SERTM2: variants seen among roughly 807,000 people sequenced by gnomAD.
SERTM2 encodes serine rich and transmembrane domain containing 2.
chrX:111,513,937 G>A (rs1257743296), intron 2 of SERTM2, among the ~76,000 whole-genome samples: 1 of 111,293 alleles, frequency 9.0e-6, no homozygotes, highest in Non-Finnish European at 1.9e-5. Context: ...AATTGTGTAG[G>A]AGGCAGAAAA....
chrX:111,516,718 A>G (rs1167783180), intron 2 of SERTM2, among the ~76,000 whole-genome samples: 6 of 111,407 alleles, frequency 5.4e-5, no homozygotes, highest in African/African-American at 2.0e-4. Context: ...AGACTAAGAA[A>G]AATATGGATT....
rs1201944662 is a variant in SERTM2 at position 111,521,927 on chromosome X, A to G, written c.*2797A>G. The G allele has an allele frequency of 8.9e-6, 1 of 112,166 alleles. No homozygotes were observed. The highest frequency in any genetic ancestry group is 1.9e-5 in the Non-Finnish European group (1 of 53,316). 9.2% of individuals were successfully genotyped at this position (112,166 alleles called of 1,213,427 possible). On this transcript the variant is annotated 3_prime_UTR_variant, in exon 3 of 3. Coordinates refer to ENST00000569275, the MANE Select transcript of SERTM2 (RefSeq NM_001354473.2). ...TGTTTAAAAAGAATCCAATTTTTTA[A>G]AATATATTTTGCATATATTTCAGAA...
At chrX:111,513,469 T>C (rs1930262319) in intron 2 of SERTM2, among the ~76,000 whole-genome samples, 2 of 111,749 alleles carry the variant, frequency 1.8e-5, no homozygotes, top group South Asian at 7.3e-4. Context: ...AGAATTTGAA[T>C]TCCTTTTGAA....
rs764501409 is a variant in SERTM2 at position 111,522,308 on chromosome X, CAT to C, written c.*3181_*3182del. On this transcript the variant is annotated 3_prime_UTR_variant, in exon 3 of 3. Transcript: ENST00000569275. ...AAATTATTAATGTTTGAAATAGATT[CAT>C]ATTGTATAAAAATGGAAATATATTT... 129 of 111,732 alleles carry C rather than the reference CAT, an allele frequency of 1.2e-3. 1 individual carries two copies. Among genetic ancestry groups the C allele is most frequent in the African/African-American group, 4.1e-3 (126 of 30,747 alleles). The allele number at this position is 111,732 out of a possible 1,213,427, so 9.2% of individuals were successfully genotyped here. A position where few individuals can be genotyped will look rare whatever the true frequency, so the allele number is the denominator to read the frequency against.
chrX:111,513,658 C>T (rs1402003219), intron 2 of SERTM2, among the ~76,000 whole-genome samples: 1 of 111,437 alleles, frequency 9.0e-6, no homozygotes, highest in Admixed American at 9.6e-5. Context: ...TTCCTAATAT[C>T]TAACGTTGCA....
rs1930375120 is a variant in SERTM2 at position 111,519,453 on chromosome X, A to G, written c.*323A>G. 6.9e-6 allele frequency: 1 copy of G among 144,946 alleles called. No individual in the cohort carries two copies. Among genetic ancestry groups the G allele is most frequent in the Non-Finnish European group, 1.3e-5 (1 of 75,101 alleles). 11.9% of individuals were successfully genotyped at this position (144,946 alleles called of 1,213,427 possible). On this transcript the variant is annotated 3_prime_UTR_variant, in exon 3 of 3. Transcript: ENST00000569275. ...TTCATGCGCAGTGGTTGTAAGAAGC[A>G]CAGGGTCCCTGGAAGCTCCAAAAAC...
At position 111,513,893 on chromosome X, in the gene SERTM2, A is replaced by T. The variant is rs887440584; in HGVS notation, c.-784+1799A>T. On this transcript the variant is annotated intron_variant, in intron 2 of 2. Coordinates refer to ENST00000569275, the MANE Select transcript of SERTM2 (RefSeq NM_001354473.2). ...CTTCATAGAATTCTAATAAATATTG[A>T]ATAAGTATTCAGACCTAAGGAAGAT... Among the ~76,000 whole-genome samples the T allele has an allele frequency of 2.4e-4, 27 of 111,723 alleles. 1 individual carries two copies. The highest frequency in any genetic ancestry group is 1.3e-4 in the Non-Finnish European group (7 of 52,985).
At position 111,518,140 on chromosome X, in the gene SERTM2, G is replaced by C. The variant is rs1930349227; in HGVS notation, c.-718G>C. 1 of 111,291 alleles carries C rather than the reference G, an allele frequency of 9.0e-6. No individual in the cohort carries two copies. Among genetic ancestry groups the C allele is most frequent in the Non-Finnish European group, 1.9e-5 (1 of 53,029 alleles). The allele number at this position is 111,291 out of a possible 1,213,427, so 9.2% of individuals were successfully genotyped here. On this transcript the variant is annotated 5_prime_UTR_variant, in exon 3 of 3. Transcript: ENST00000569275. ...CCTGAGCCTAGGCCTACTGCTGTCA[G>C]CATCTCTGAGACCTCTCTCACCTGA...
chrX:111,520,910 A>G lies in SERTM2; in HGVS notation c.*1780A>G, dbSNP rs977968480. 4 of 112,165 alleles carry G rather than the reference A, an allele frequency of 3.6e-5. No homozygotes were observed. The highest frequency in any genetic ancestry group is 7.5e-5 in the Non-Finnish European group (4 of 53,279). 9.2% of individuals were successfully genotyped at this position (112,165 alleles called of 1,213,427 possible). ...TAAGTTGTGTGTTTATTCAACACCCAGATTCAGTGGACCCTTTAAAATTTG... is the reference window on the plus strand; with the variant it reads ...TAAGTTGTGTGTTTATTCAACACCCGGATTCAGTGGACCCTTTAAAATTTG... On this transcript the variant is annotated 3_prime_UTR_variant, in exon 3 of 3. Transcript: ENST00000569275.
In SERTM2 at chrX:111,521,149, G is replaced by T. The variant is rs1056204109; in HGVS notation, c.*2019G>T. ...ATAGCAAGATACAAAATACCTTGTTGCTGAATCTAATAGAGATACAGACTG... is the reference window on the plus strand; with the variant it reads ...ATAGCAAGATACAAAATACCTTGTTTCTGAATCTAATAGAGATACAGACTG... On this transcript the variant is annotated 3_prime_UTR_variant, in exon 3 of 3. Transcript: ENST00000569275. The T allele has an allele frequency of 8.9e-6, 1 of 112,318 alleles. No individual in the cohort carries two copies. 9.3% of individuals were successfully genotyped at this position (112,318 alleles called of 1,213,427 possible).
chrX:111,513,060 T>TATTAA (rs113766294), intron 2 of SERTM2, among the ~76,000 whole-genome samples: 20,337 of 109,879 alleles, frequency 0.19, 4,678 homozygotes, highest in African/African-American at 0.64. Context: ...ATTGACCAGT[T>TATTAA]ATTAAACACT....
chrX:111,511,876 G>T, intron 1 of SERTM2, 42 bp downstream of exon 1: 1 of 285,309 alleles, frequency 3.5e-6, no homozygotes, highest in Non-Finnish European at 6.2e-6. Context: ...TTAAGTAATA[G>T]AAGGTGTTTT....
chrX:111,515,316 G>A (rs932968703), intron 2 of SERTM2, among the ~76,000 whole-genome samples: 1 of 111,574 alleles, frequency 9.0e-6, no homozygotes, highest in Admixed American at 9.5e-5. Flanking sequence ...AAGTAACTTA[G>A]GAGATACATG....
chrX:111,521,010 C>T lies in SERTM2; in HGVS notation c.*1880C>T, dbSNP rs1052787066. On this transcript the variant is annotated 3_prime_UTR_variant, in exon 3 of 3. Transcript: ENST00000569275. The stretch of plus-strand genomic sequence containing the variant: ...TCCAGAACTTCTTAAGAACACACAT[C>T]TTCCCTCATTCCAGGCTCTCACTTT... The T allele has an allele frequency of 4.5e-5, 5 of 111,630 alleles. No individual in the cohort carries two copies. Among genetic ancestry groups the T allele is most frequent in the African/African-American group, 1.6e-4 (5 of 30,650 alleles). 9.2% of individuals were successfully genotyped at this position (111,630 alleles called of 1,213,427 possible).
intron 2 of SERTM2, among the ~76,000 whole-genome samples, chrX:111,517,668 T>C (rs1481228453): frequency 1.0e-5 from 1 of 98,010 alleles, no homozygotes; most frequent in African/African-American, 5.2e-5. Context: ...TGAATATGGG[T>C]GGCTATTTTT....
intron 2 of SERTM2, among the ~76,000 whole-genome samples, chrX:111,513,984 A>G (rs1316043004): frequency 8.9e-6 from 1 of 111,737 alleles, no homozygotes; most frequent in African/African-American, 3.2e-5. Context: ...ATCTGCAGAC[A>G]CAAGTGAACT....
intron 2 of SERTM2, among the ~76,000 whole-genome samples, chrX:111,517,321 A>G (rs758667972): frequency 1.8e-5 from 2 of 111,729 alleles, no homozygotes; most frequent in East Asian, 2.8e-4. Context: ...TAAACTTAGG[A>G]TTCCTTTGTT....
rs1930236607 is a variant in SERTM2 at position 111,512,104 on chromosome X, A to G, written c.-784+10A>G. ...CTGTGGGCCAGGAGAGGTAAGAAAT[A>G]TTTGGAAATATTACGATGTTAATCC... On this transcript the variant is annotated intron_variant, in intron 2 of 2. Coordinates refer to ENST00000569275, the MANE Select transcript of SERTM2 (RefSeq NM_001354473.2). 3 of 293,412 alleles carry G rather than the reference A, an allele frequency of 1.0e-5. No individual in the cohort carries two copies. Among genetic ancestry groups the G allele is most frequent in the South Asian group, 4.2e-4 (2 of 4,796 alleles). 24.2% of individuals were successfully genotyped at this position (293,412 alleles called of 1,213,427 possible).
At position 111,518,400 on chromosome X, in the gene SERTM2, G is replaced by A. The variant is rs1006152875; in HGVS notation, c.-458G>A. 3.5e-5 allele frequency: 4 copies of A among 113,496 alleles called. No individual in the cohort carries two copies. The highest frequency in any genetic ancestry group is 6.5e-5 in the African/African-American group (2 of 30,765). 9.4% of individuals were successfully genotyped at this position (113,496 alleles called of 1,213,427 possible). ...TCTCCTCGCAGAAGAGCCCAATTAA[G>A]TCCACATAATTAGTCCACACATCTA... On this transcript the variant is annotated 5_prime_UTR_variant, in exon 3 of 3. Transcript: ENST00000569275.
Sources: allele counts gnomAD v4.1 joint callset (sites outside exome capture counted in the v4.1 genomes callset), GRCh38; gene constraint gnomAD v4.1.1; transcripts MANE v1.5; gene names NCBI Gene and HGNC (gene_info 2026-07-23, HGNC 2026-07-21).